SLC7A1: variants seen among roughly 807,000 people sequenced by gnomAD.
The protein encoded by SLC7A1 is high affinity cationic amino acid transporter 1.
A neutral mutation model predicts 53.9 loss-of-function variants in SLC7A1; 10 were observed. The ratio of observed to expected loss-of-function variants is 0.19; its 90% CI spans 0.11 to 0.31. The LOEUF is 0.31. Ranked by LOEUF, SLC7A1 falls within the 10% of genes least tolerant of loss-of-function variation. SLC7A1 has a pLI of 1.00. For missense variants in SLC7A1, 525 were observed against 827.2 expected (o/e 0.63, Z 4.48); for synonymous variants, 342 against 338.7 (o/e 1.01, Z -0.11).
chr13:29,569,473 G>A (rs1174707814), intron 1 of SLC7A1, among the ~76,000 whole-genome samples: 8 of 152,118 alleles, frequency 5.3e-5, no homozygotes, highest in Non-Finnish European at 1.0e-4. Context: ...ACAGCCTTAG[G>A]GGCAGTGAGC....
intron 2 of SLC7A1, among the ~76,000 whole-genome samples, chr13:29,544,402 GTAATAACTAAAAACACC>G (rs1566263367): frequency 6.6e-6 from 1 of 152,270 alleles, no homozygotes; most frequent in East Asian, 1.9e-4. Context: ...GAAAACAATA[GTAATAACTAAAAACACC>G]TAACATCCTG....
chr13:29,509,654 T>A lies in SLC7A1; in HGVS notation c.*4826A>T, dbSNP rs1195268012. 7 of 152,456 alleles carry A rather than the reference T, an allele frequency of 4.6e-5. No homozygotes were observed. In the East Asian group the frequency reaches 1.4e-3, roughly 29 times the overall value. 9.4% of individuals were successfully genotyped at this position (152,456 alleles called of 1,614,324 possible). On this transcript the variant is annotated 3_prime_UTR_variant, in exon 13 of 13. Transcript: ENST00000380752. ...AGACCAACCTGATTTGCAGTTAGCA[T>A]CAGAATCTAAATCTAGTATCACAAC...
intron 1 of SLC7A1, among the ~76,000 whole-genome samples, chr13:29,561,316 C>T (rs964896984): frequency 1.3e-5 from 2 of 152,114 alleles, no homozygotes; most frequent in East Asian, 1.9e-4. Context: ...AGTGGTGACG[C>T]GCTGAGGGGG....
At chr13:29,523,086 A>AGT (rs563792446) in intron 7 of SLC7A1, among the ~76,000 whole-genome samples, 180 bp downstream of exon 7, 170 of 152,306 alleles carry the variant, frequency 1.1e-3, no homozygotes, top group African/African-American at 3.5e-3. Context: ...GGGATGATGA[A>AGT]TACTGGCCAA....
intron 5 of SLC7A1, among the ~76,000 whole-genome samples, chr13:29,529,001 A>G (rs1308076492): frequency 6.6e-6 from 1 of 152,202 alleles, no homozygotes; most frequent in Non-Finnish European, 1.5e-5. Flanking sequence ...CCTGACCTAT[A>G]ACTAGCAACC....
chr13:29,548,900 C>T (rs1488531504), intron 2 of SLC7A1, among the ~76,000 whole-genome samples: 1 of 152,206 alleles, frequency 6.6e-6, no homozygotes, highest in East Asian at 1.9e-4. Context: ...CCAGGAAACG[C>T]CACATTTTAT....
In SLC7A1 at chr13:29,513,789, G is replaced by C. The variant is rs1455975892; in HGVS notation, c.*691C>G. 1 of 152,378 alleles carries C rather than the reference G, an allele frequency of 6.6e-6. No individual in the cohort carries two copies. The highest frequency in any genetic ancestry group is 2.4e-5 in the African/African-American group (1 of 41,460). 9.4% of individuals were successfully genotyped at this position (152,378 alleles called of 1,614,324 possible). On this transcript the variant is annotated 3_prime_UTR_variant, in exon 13 of 13. Transcript: ENST00000380752. ...TGCATAAGCAAAGCAGGCCCTAATG[G>C]GAGTGATCCCTTCTTCCTCATTTGA...
intron 2 of SLC7A1, among the ~76,000 whole-genome samples, chr13:29,544,771 C>T (rs564681823): frequency 3.0e-5 from 4 of 134,576 alleles, no homozygotes; most frequent in East Asian, 4.1e-4. Context: ...GGCATGGCGG[C>T]GAGGGCAGTG....
At chr13:29,529,541 G>A (rs1327640613) in intron 5 of SLC7A1, among the ~76,000 whole-genome samples, 2 of 152,180 alleles carry the variant, frequency 1.3e-5, no homozygotes, top group Non-Finnish European at 2.9e-5. Flanking sequence ...TCATGCTCGT[G>A]CCTACAGCCA....
chr13:29,593,997 C>A (rs945824993), intron 1 of SLC7A1, among the ~76,000 whole-genome samples: 2 of 152,170 alleles, frequency 1.3e-5, no homozygotes, highest in African/African-American at 4.8e-5. Context: ...CCCTAAGTTT[C>A]TATTCTGTTC....
chr13:29,581,319 A>G (rs1486494551), intron 1 of SLC7A1, among the ~76,000 whole-genome samples: 1 of 152,164 alleles, frequency 6.6e-6, no homozygotes, highest in Non-Finnish European at 1.5e-5. Flanking sequence ...ACCCCTTCAA[A>G]GCCTTCCGAG....
chr13:29,546,011 T>G (rs1251342026), intron 2 of SLC7A1, among the ~76,000 whole-genome samples: 1 of 152,200 alleles, frequency 6.6e-6, no homozygotes. Flanking sequence ...AGAAATGTGT[T>G]ACAACAAAAA....
chr13:29,515,238 A>G (rs1593537104), intron 12 of SLC7A1, among the ~76,000 whole-genome samples: 1 of 152,354 alleles, frequency 6.6e-6, no homozygotes, highest in African/African-American at 2.4e-5. Context: ...AGGCTCCTGC[A>G]CACAGGGACT....
chr13:29,521,763 C>A (rs1023422675), intron 8 of SLC7A1, among the ~76,000 whole-genome samples: 1 of 152,156 alleles, frequency 6.6e-6, no homozygotes, highest in Non-Finnish European at 1.5e-5. Context: ...GTCCTCTCAG[C>A]GATGAGGCTC....
At chr13:29,578,464 T>C (rs1871500826) in intron 1 of SLC7A1, among the ~76,000 whole-genome samples, 1 of 152,176 alleles carries the variant, frequency 6.6e-6, no homozygotes, top group African/African-American at 2.4e-5. Flanking sequence ...GGATCACATC[T>C]GCTAAGGCAA....
intron 1 of SLC7A1, among the ~76,000 whole-genome samples, chr13:29,560,233 G>C (rs1247453782): frequency 6.6e-6 from 1 of 151,796 alleles, no homozygotes; most frequent in Non-Finnish European, 1.5e-5. Flanking sequence ...CAATGTCACT[G>C]TCTTCCACCT....
chr13:29,593,843 C>A (rs1488055476), intron 1 of SLC7A1, among the ~76,000 whole-genome samples: 2 of 152,062 alleles, frequency 1.3e-5, no homozygotes, highest in South Asian at 2.1e-4. Flanking sequence ...CAAGGGAGTA[C>A]ATTTCTGATC....
chr13:29,582,837 G>A (rs1321342742), intron 1 of SLC7A1, among the ~76,000 whole-genome samples: 1 of 152,132 alleles, frequency 6.6e-6, no homozygotes, highest in African/African-American at 2.4e-5. Flanking sequence ...CACTCACTGA[G>A]ATACGTTCCT....
rs551201954 is a variant in SLC7A1 at position 29,582,499 on chromosome 13, G to C, written c.-115+12917C>G. Among the ~76,000 whole-genome samples, 6 of 152,324 alleles carry C rather than the reference G, an allele frequency of 3.9e-5. No homozygotes were observed. In the South Asian group the frequency reaches 1.2e-3, roughly 32 times the overall value. ...CATTTTGAGCATCCACTTCCTAGCA[G>C]GCACTGCTCTTGGTACAGGAGGCAC... On this transcript the variant is annotated intron_variant, in intron 1 of 12. Coordinates refer to ENST00000380752, the MANE Select transcript of SLC7A1 (RefSeq NM_003045.5).
Sources: gnomAD v4.1 joint callset for allele counts (sites outside exome capture counted in the v4.1 genomes callset) on GRCh38, gnomAD v4.1.1 for gene constraint, MANE v1.5 for transcripts, NCBI Gene and HGNC (gene_info 2026-07-23, HGNC 2026-07-21) for gene names.